SORBS2: variants seen among roughly 807,000 people sequenced by gnomAD.
SORBS2 encodes sorbin and SH3 domain-containing protein 2.
Under a neutral mutation model 97.7 loss-of-function variants are expected in SORBS2, and 46 were observed. The ratio of observed to expected loss-of-function variants is 0.47; its 90% CI spans 0.37 to 0.60. The LOEUF is 0.60. SORBS2 is among the 20% of genes least tolerant of loss of function. SORBS2 has a pLI of 0.00. For synonymous variants in SORBS2, 476 were observed against 473.4 expected (o/e 1.01, Z -0.07); for missense variants, 1,316 against 1,282.3 (o/e 1.03, Z -0.40).
intron 1 of SORBS2, among the ~76,000 whole-genome samples, chr4:185,898,081 G>GCTAA (rs1270991598): frequency 6.6e-6 from 1 of 152,138 alleles, no homozygotes; most frequent in African/African-American, 2.4e-5. Context: ...CACAGCAGGG[G>GCTAA]CTAACATTCC....
chr4:185,844,887 A>G (rs2099213647), intron 1 of SORBS2, among the ~76,000 whole-genome samples: 1 of 152,246 alleles, frequency 6.6e-6, no homozygotes, highest in African/African-American at 2.4e-5. Flanking sequence ...CATTCCATTT[A>G]TACGAAACAC....
chr4:185,886,614 G>T (rs1181240493), intron 1 of SORBS2, among the ~76,000 whole-genome samples: 1 of 143,172 alleles, frequency 7.0e-6, no homozygotes, highest in Non-Finnish European at 1.5e-5. Flanking sequence ...GTGGCCTGTG[G>T]CCTGGTCTGG....
intron 2 of SORBS2, among the ~76,000 whole-genome samples, chr4:185,752,464 T>G (rs866707975): frequency 3.5e-4 from 54 of 152,194 alleles, no homozygotes; most frequent in East Asian, 9.7e-4. Context: ...TTTTAGTAGA[T>G]ATGGGGTTTC....
intron 1 of SORBS2, among the ~76,000 whole-genome samples, chr4:185,914,968 C>T (rs1470976654): frequency 2.0e-5 from 3 of 152,174 alleles, no homozygotes; most frequent in African/African-American, 7.2e-5. Flanking sequence ...TTTTCCATCT[C>T]CTTCAGTGGT....
At chr4:185,795,542 C>T (rs940720064) in intron 1 of SORBS2, among the ~76,000 whole-genome samples, 2 of 152,062 alleles carry the variant, frequency 1.3e-5, no homozygotes, top group African/African-American at 4.8e-5. Context: ...ATGTGTTATC[C>T]TGCAAAATAC....
chr4:185,719,632 T>A (rs777338996), intron 2 of SORBS2, among the ~76,000 whole-genome samples: 14 of 152,226 alleles, frequency 9.2e-5, no homozygotes, highest in Non-Finnish European at 1.6e-4. Context: ...TAGCATGAGA[T>A]GTTAGTTTTT....
chr4:185,627,133 C>T, intron 5 of SORBS2, 114 bp from the exon 18 acceptor site: 1 of 808,626 alleles, frequency 1.2e-6, no homozygotes, highest in Non-Finnish European at 2.1e-6. Context: ...CCTCTATCCC[C>T]AAAACTGCAT....
intron 1 of SORBS2, among the ~76,000 whole-genome samples, chr4:185,910,035 C>T (rs1287902181): frequency 6.6e-6 from 1 of 151,432 alleles, no homozygotes; most frequent in Non-Finnish European, 1.5e-5. Context: ...CAATGTCATG[C>T]CTGGCTGTGT....
At chr4:185,705,268 A>C (rs995858143) in intron 2 of SORBS2, among the ~76,000 whole-genome samples, 3 of 152,230 alleles carry the variant, frequency 2.0e-5, no homozygotes, top group Non-Finnish European at 4.4e-5. Flanking sequence ...TTTATCAAAA[A>C]CATTTTAGGA....
intron 4 of SORBS2, among the ~76,000 whole-genome samples, chr4:185,637,633 A>G: frequency 6.6e-6 from 1 of 152,056 alleles, no homozygotes. Flanking sequence ...TCTTGGCGGG[A>G]CATCAGGAGG....
chr4:185,639,708 T>A (rs189976049), intron 4 of SORBS2, among the ~76,000 whole-genome samples: 86 of 152,202 alleles, frequency 5.7e-4, no homozygotes, highest in African/African-American at 2.0e-3. Flanking sequence ...AGAAAAAAAA[T>A]TCTAAGAAAA....
At chr4:185,816,259 C>T (rs1035866857) in intron 1 of SORBS2, among the ~76,000 whole-genome samples, 3 of 141,170 alleles carry the variant, frequency 2.1e-5, no homozygotes, top group African/African-American at 7.8e-5. Context: ...TCTCTAGTCA[C>T]ATCTTCTGCT....
intron 2 of SORBS2, among the ~76,000 whole-genome samples, chr4:185,749,387 G>A (rs1241115052): frequency 6.6e-6 from 1 of 152,218 alleles, no homozygotes. Flanking sequence ...CTGCCTTCTT[G>A]ATATCCCATT....
intron 1 of SORBS2, among the ~76,000 whole-genome samples, chr4:185,884,083 G>A (rs966517120): frequency 2.6e-5 from 4 of 152,156 alleles, no homozygotes; most frequent in African/African-American, 9.7e-5. Context: ...TTCACGGGGT[G>A]GAGGTAATAT....
At chr4:185,883,726 C>A (rs1329771482) in intron 1 of SORBS2, among the ~76,000 whole-genome samples, 1 of 152,158 alleles carries the variant, frequency 6.6e-6, no homozygotes, top group Admixed American at 6.5e-5. Context: ...GTGGCATGTG[C>A]CTGTAGTCCC....
chr4:185,724,158 C>T (rs1017463014), intron 2 of SORBS2, among the ~76,000 whole-genome samples: 2 of 152,086 alleles, frequency 1.3e-5, no homozygotes, highest in South Asian at 4.2e-4. Flanking sequence ...TGAAAAAGAT[C>T]CAGGGTTTCT....
At position 185,623,172 on chromosome 4, in the gene SORBS2, C is replaced by T. The variant is rs768904883; in HGVS notation, c.1957G>A (p.Gly653Arg). 6.2e-7 allele frequency: 1 copy of T among 1,614,082 alleles called. No homozygotes were observed. The highest frequency in any genetic ancestry group is 8.5e-7 in the Non-Finnish European group (1 of 1,180,018). The change falls in exon 7 of 15, where the codon GGG becomes AGG. Residue 653 changes from glycine to arginine, a missense_variant. By Grantham distance (125) the Gly-to-Arg change is moderately radical (BLOSUM62 -2). Coordinates refer to ENST00000418609, the Ensembl canonical transcript of SORBS2. This position sits in a 1 kb window ranked among gnomAD's most constrained non-coding sequence, Gnocchi z 6.4. ...AGGATGCTGTTGTCCGGCAAGCTCC[C>T]CCTTTTCTTTTCAGCTTTAATTTGG...
intron 4 of SORBS2, chr4:185,676,866 T>C (rs2097794388): frequency 1.4e-6 from 1 of 721,448 alleles, no homozygotes; most frequent in Admixed American, 2.9e-5. Flanking sequence ...TGGAAAATGG[T>C]TTCTTTCTCC....
chr4:185,652,187 G>A (rs543611936), intron 2 of SORBS2, among the ~76,000 whole-genome samples: 4 of 152,180 alleles, frequency 2.6e-5, no homozygotes, highest in East Asian at 3.9e-4. Flanking sequence ...TGCCCTCTTC[G>A]TAGCATGCAA....
Sources: allele counts gnomAD v4.1 joint callset (sites outside exome capture counted in the v4.1 genomes callset), GRCh38; gene constraint gnomAD v4.1.1; non-coding constraint Gnocchi (gnomAD v3.1); transcripts MANE v1.5; gene names NCBI Gene and HGNC (gene_info 2026-07-23, HGNC 2026-07-21).